OAS3: variants seen among roughly 807,000 people sequenced by gnomAD.
The protein encoded by OAS3 is 2'-5'-oligoadenylate synthetase 3.
A neutral mutation model predicts 113.0 loss-of-function variants in OAS3; 107 were observed. That is an observed-to-expected ratio of 0.95 (90% CI 0.81 to 1.11). The LOEUF (loss-of-function observed/expected upper bound fraction) is 1.11. OAS3 is among the 50% of genes most tolerant of loss of function. The probability of loss-of-function intolerance (pLI) is 0.00; values close to 1 mark genes in which losing one functional copy is unlikely to be tolerated. For synonymous variants in OAS3, 552 were observed against 573.6 expected, an observed-to-expected ratio of 0.96 and a Z score of 0.54; for missense variants, 1,258 against 1,389.1, an observed-to-expected ratio of 0.91 and a Z score of 1.50.
chr12:112,964,558 G>A (rs2043917770), intron 11 of OAS3, 150 bp downstream of exon 11: 2 of 753,024 alleles, frequency 2.7e-6, no homozygotes, highest in African/African-American at 3.5e-5. Flanking sequence ...ATGGGAGGAT[G>A]GCAGAGAGAG....
At chr12:112,966,161 G>A (rs2136360951) in intron 12 of OAS3, 132 bp downstream of exon 12, 1 of 952,192 alleles carries the variant, frequency 1.1e-6, no homozygotes. Context: ...AGTTGTGTAT[G>A]TTCATCACAA....
intron 2 of OAS3, among the ~76,000 whole-genome samples, chr12:112,943,116 A>G (rs1382064278): frequency 6.6e-6 from 1 of 151,772 alleles, no homozygotes; most frequent in African/African-American, 2.4e-5. Context: ...TGTATTTTTT[A>G]TAGAGATAGG....
chr12:112,951,480 A>G (rs906163410), intron 7 of OAS3, among the ~76,000 whole-genome samples: 1 of 152,148 alleles, frequency 6.6e-6, no homozygotes, highest in Non-Finnish European at 1.5e-5. Flanking sequence ...TTTTATTATC[A>G]TTCCGGTCTA....
chr12:112,938,620 GCGCGCTCTGGGCGCCCTGGC>G lies in OAS3; in HGVS notation c.94_113del (p.Ala32CysfsTer36). On this transcript the variant is annotated frameshift_variant, in exon 1 of 16. Coordinates refer to ENST00000228928, the MANE Select transcript of OAS3 (RefSeq NM_006187.4). LOFTEE classifies it high-confidence loss of function. The stretch of plus-strand genomic sequence containing the variant: ...GGAAGGAGTTCGTAGAGAAGGCGCG[GCGCGCTCTGGGCGCCCTGGC>G]CGCTGCCCTGAGGGAGCGCGGGGGC... 1.2e-6 allele frequency: 2 copies of G among 1,609,024 alleles called. No individual in the cohort carries two copies. Among genetic ancestry groups the G allele is most frequent in the Non-Finnish European group, 1.7e-6 (2 of 1,178,482 alleles).
chr12:112,958,368 C>T lies in OAS3; in HGVS notation c.1658-2703C>T, dbSNP rs1047687589. Among the ~76,000 whole-genome samples, 9 of 152,274 alleles carry T rather than the reference C, an allele frequency of 5.9e-5. No individual in the cohort carries two copies. In the East Asian group the frequency reaches 1.5e-3, roughly 26 times the overall value. Reference sequence around the variant, plus strand: ...CTCATCAAAGTCATTCTCCATCCAGCTTTGTTCCATTGCTTGCGAGGAGCT... The same window carrying T: ...CTCATCAAAGTCATTCTCCATCCAGTTTTGTTCCATTGCTTGCGAGGAGCT... On this transcript the variant is annotated intron_variant, in intron 7 of 15. Transcript: ENST00000228928.
In OAS3 at chr12:112,970,066, G is replaced by T; in HGVS notation, c.*93G>T. Reference sequence around the variant, plus strand: ...TCAGGGTCCCCTACCAGATGAGAGAGATTGTGTACATGTGTGTGTGAGCAC... The same window carrying T: ...TCAGGGTCCCCTACCAGATGAGAGATATTGTGTACATGTGTGTGTGAGCAC... On this transcript the variant is annotated 3_prime_UTR_variant, in exon 16 of 16. Transcript: ENST00000228928. 1.4e-6 allele frequency: 2 copies of T among 1,428,464 alleles called. No homozygotes were observed. Among genetic ancestry groups the T allele is most frequent in the South Asian group, 2.4e-5 (2 of 82,250 alleles). 88.5% of individuals were successfully genotyped at this position (1,428,464 alleles called of 1,614,324 possible). A position where few individuals can be genotyped will look rare whatever the true frequency, so the allele number is the denominator to read the frequency against.
At position 112,941,794 on chromosome 12, in the gene OAS3, AT is replaced by A; in HGVS notation, c.403del (p.Ser135ProfsTer2). On this transcript the variant is annotated frameshift_variant, in exon 2 of 16. Transcript: ENST00000228928. LOFTEE classifies it high-confidence loss of function. Reference protein sequence around the residue: ...VPGALQFRLTSVDLEDWMDVS... With the variant: ...VPGALQFRLTXVDLEDWMDVS... ...CTGGGGCCCTGCAGTTCCGCCTGAC[AT>A]CCGTAGATCTTGAGGACTGGATGGA... The A allele has an allele frequency of 6.2e-7, 1 of 1,613,980 alleles. No homozygotes were observed. Among genetic ancestry groups the A allele is most frequent in the East Asian group, 2.2e-5 (1 of 44,884 alleles).
chr12:112,944,664 G>A lies in OAS3; in HGVS notation c.636+13G>A. The stretch of plus-strand genomic sequence containing the variant: ...CTGGTACCACCAGGTGAAGCCACTT[G>A]GAAGGGTTTCTCCAGACATGTGACT... On this transcript the variant is annotated intron_variant, in intron 3 of 15. Transcript: ENST00000228928. 1.2e-6 allele frequency: 2 copies of A among 1,613,782 alleles called. No homozygotes were observed. The highest frequency in any genetic ancestry group is 3.3e-4 in the Middle Eastern group (2 of 6,062).
chr12:112,946,595 A>G, intron 3 of OAS3, 148 bp from the exon 4 acceptor site: 1 of 599,414 alleles, frequency 1.7e-6, no homozygotes, highest in Non-Finnish European at 2.8e-6. Context: ...AGGGCTGGTG[A>G]GAAATGCCAC....
At chr12:112,969,458 C>A in intron 14 of OAS3, 150 bp from the exon 15 acceptor site, 1 of 847,250 alleles carries the variant, frequency 1.2e-6, no homozygotes, top group Non-Finnish European at 1.9e-6. Flanking sequence ...TATACCTGCC[C>A]TGTAGTGTAT....
intron 3 of OAS3, 52 bp from the exon 4 acceptor site, chr12:112,946,691 T>C (rs571689114): frequency 4.9e-5 from 73 of 1,493,708 alleles, no homozygotes; most frequent in Admixed American, 4.1e-4. Context: ...GAGAGCTGGC[T>C]CTCTTTCCTC....
intron 11 of OAS3, 99 bp from the exon 12 acceptor site, chr12:112,965,645 C>A: frequency 9.0e-7 from 1 of 1,106,566 alleles, no homozygotes; most frequent in Non-Finnish European, 1.3e-6. Context: ...GGTTAGATGA[C>A]TTGTCCAAGG....
chr12:112,954,281 TTTGTTG>T lies in OAS3; in HGVS notation c.1657+3327_1657+3332del, dbSNP rs71445586. On this transcript the variant is annotated intron_variant, in intron 7 of 15. Transcript: ENST00000228928. This position sits in a 1 kb window ranked among gnomAD's most constrained non-coding sequence, Gnocchi z 4.0. ...CATTTCTTGTTTGTCTGTTTGTTTGTTTGTTGTTGTTGTTGTTGTTGTTGTTTGAGA... is the reference window on the plus strand; with the variant it reads ...CATTTCTTGTTTGTCTGTTTGTTTGTTTGTTGTTGTTGTTGTTGTTTGAGA... Among the ~76,000 whole-genome samples, 30 of 151,516 alleles carry T rather than the reference TTTGTTG, an allele frequency of 2.0e-4. No homozygotes were observed. Among genetic ancestry groups the T allele is most frequent in the East Asian group, 1.2e-3 (6 of 5,154 alleles).
chr12:112,941,796 C>G lies in OAS3; in HGVS notation c.404C>G (p.Ser135Cys). The G allele has an allele frequency of 6.2e-7, 1 of 1,614,018 alleles. No homozygotes were observed. Among genetic ancestry groups the G allele is most frequent in the African/African-American group, 1.3e-5 (1 of 75,046 alleles). The change falls in exon 2 of 16, where the codon TCC becomes TGC. Residue 135 changes from serine (S) to cysteine (C), a missense_variant. Ser to Cys is a moderately radical substitution (Grantham distance 112, BLOSUM62 -1). Coordinates refer to ENST00000228928, the MANE Select transcript of OAS3 (RefSeq NM_006187.4). ...GGGGCCCTGCAGTTCCGCCTGACAT[C>G]CGTAGATCTTGAGGACTGGATGGAT... ...VPGALQFRLT[S>C]VDLEDWMDVS...
intron 11 of OAS3, 61 bp from the exon 12 acceptor site, chr12:112,965,683 T>A: frequency 6.6e-7 from 1 of 1,510,950 alleles, no homozygotes; most frequent in Non-Finnish European, 8.9e-7. Context: ...TAACTCACAG[T>A]CCAGAACCGA....
At chr12:112,940,454 G>A (rs1157851737) in intron 1 of OAS3, among the ~76,000 whole-genome samples, 1 of 152,196 alleles carries the variant, frequency 6.6e-6, no homozygotes, top group African/African-American at 2.4e-5. Context: ...GTTGTTTTGT[G>A]TTGGAAGTGA....
Position 112,962,727 on chromosome 12 carries a change from A to G in OAS3, c.1909A>G (p.Ile637Val), listed in dbSNP as rs201659392. Residue 637 changes from isoleucine to valine, a missense_variant, in exon 9 of 16, where the codon ATC (isoleucine) becomes GTC (valine). By Grantham distance (29) the Ile-to-Val change is conservative. Coordinates refer to ENST00000228928, the MANE Select transcript of OAS3 (RefSeq NM_006187.4). ...PPAYALELLT[I>V]FAWEQGCRQD... ...AGCCTATGCCCTGGAGCTCCTCACC[A>G]TCTTTGCCTGGGAGCAGGGCTGCAG... 2.5e-6 allele frequency: 4 copies of G among 1,613,842 alleles called. No individual in the cohort carries two copies. The highest frequency in any genetic ancestry group is 1.7e-5 in the Admixed American group (1 of 60,014).
In OAS3 at chr12:112,941,633, C is replaced by T. The variant is rs762384716; in HGVS notation, c.241C>T (p.Leu81Phe). The change falls in exon 2 of 16, where the codon CTC (leucine) becomes TTC (phenylalanine). Residue 81 changes from leucine (L) to phenylalanine (F), a missense_variant. Coordinates refer to ENST00000228928, the MANE Select transcript of OAS3 (RefSeq NM_006187.4). ...GGCDSELVIF[L>F]DCFKSYVDQR... is the part of the protein sequence containing the mutation. Reference sequence around the variant, plus strand: ...CTGTGATTCTGAACTTGTCATCTTCCTCGACTGCTTCAAGAGCTATGTGGA... The same window carrying T: ...CTGTGATTCTGAACTTGTCATCTTCTTCGACTGCTTCAAGAGCTATGTGGA... 41 of 1,613,912 alleles carry T rather than the reference C, an allele frequency of 2.5e-5. No homozygotes were observed. In the South Asian group the frequency reaches 3.6e-4, roughly 14 times the overall value.
chr12:112,947,542 A>G (rs936376448), intron 4 of OAS3, among the ~76,000 whole-genome samples: 5 of 152,202 alleles, frequency 3.3e-5, no homozygotes, highest in Admixed American at 3.3e-4. Flanking sequence ...TTATCAAAAT[A>G]TGTTGTCTAT....
Sources: gnomAD v4.1 joint callset for allele counts (sites outside exome capture counted in the v4.1 genomes callset) on GRCh38, gnomAD v4.1.1 for gene constraint, Gnocchi (gnomAD v3.1) non-coding constraint, MANE v1.5 for transcripts, NCBI Gene and HGNC (gene_info 2026-07-23, HGNC 2026-07-21) for gene names.